ANKHD1: variants seen among roughly 807,000 people sequenced by gnomAD.
The protein encoded by ANKHD1 is ankyrin repeat and KH domain containing 1, also known as ankyrin repeat and KH domain-containing protein 1.
ANKHD1 carries 31 observed loss-of-function variants against 230.5 expected under a neutral mutation model. The observed-to-expected ratio is 0.13, with a 90% CI of 0.10 to 0.18. ANKHD1 has a LOEUF of 0.18. Among genes scored for constraint, ANKHD1 ranks in the 10% least tolerant of loss-of-function variants. The probability of loss-of-function intolerance (pLI) is 1.00; values close to 1 mark genes in which losing one functional copy is unlikely to be tolerated. For synonymous variants in ANKHD1, 1,074 were observed against 1,117.6 expected (o/e 0.96, Z 0.78); for missense variants, 2,256 against 3,071.3 (o/e 0.73, Z 6.27).
At chr5:140,427,705 T>C (rs1430683254) in intron 1 of ANKHD1, among the ~76,000 whole-genome samples, 2 of 136,674 alleles carry the variant, frequency 1.5e-5, no homozygotes, top group East Asian at 5.1e-4. Flanking sequence ...GGCTCCTCAC[T>C]TCCCAGTAGG....
chr5:140,441,867 C>G (rs760187084), intron 5 of ANKHD1, among the ~76,000 whole-genome samples: 1 of 151,932 alleles, frequency 6.6e-6, no homozygotes, highest in South Asian at 2.1e-4. Context: ...AACAACATGT[C>G]ATATACCTTA....
chr5:140,438,704 G>T, intron 3 of ANKHD1, 87 bp downstream of exon 3: 1 of 1,454,378 alleles, frequency 6.9e-7, no homozygotes, highest in South Asian at 1.6e-5. Flanking sequence ...ATATCTTTTG[G>T]TGGAGCTTAT....
At chr5:140,526,555 AC>A in intron 26 of ANKHD1, 112 bp downstream of exon 26, 1 of 1,331,528 alleles carries the variant, frequency 7.5e-7, no homozygotes, top group African/African-American at 1.5e-5. Context: ...ATTGAAGTCT[AC>A]CACATTATCT....
chr5:140,535,837 G>A (rs1754040456), intron 30 of ANKHD1: 2 of 170,404 alleles, frequency 1.2e-5, no homozygotes, highest in East Asian at 1.6e-4. Flanking sequence ...CAAGAGGATC[G>A]CTTGAGCCCA....
chr5:140,466,403 A>G (rs974262171), intron 10 of ANKHD1, among the ~76,000 whole-genome samples: 2 of 152,010 alleles, frequency 1.3e-5, no homozygotes, highest in African/African-American at 2.4e-5. Context: ...AAAAAAAAAA[A>G]AAAGAAAAAA....
intron 1 of ANKHD1, among the ~76,000 whole-genome samples, chr5:140,428,650 G>GGGGAGAGGGAGA (rs1052998483): frequency 6.6e-6 from 1 of 152,142 alleles, no homozygotes; most frequent in Non-Finnish European, 1.5e-5. Context: ...GGGAGACCGT[G>GGGGAGAGGGAGA]GGGAGAGGGA....
intron 9 of ANKHD1, among the ~76,000 whole-genome samples, chr5:140,459,604 T>C (rs1174291084): frequency 6.6e-6 from 1 of 152,132 alleles, no homozygotes; most frequent in Non-Finnish European, 1.5e-5. Context: ...TTAACAATAA[T>C]GTATATCTCA....
chr5:140,482,731 T>G, intron 11 of ANKHD1, 64 bp downstream of exon 11: 1 of 1,563,246 alleles, frequency 6.4e-7, no homozygotes, highest in African/African-American at 1.4e-5. Flanking sequence ...AATCCTAAAC[T>G]GTTGCAATTT....
chr5:140,484,875 G>T (rs767928699), intron 11 of ANKHD1: 2 of 374,702 alleles, frequency 5.3e-6, no homozygotes, highest in Non-Finnish European at 8.5e-6. Flanking sequence ...TTGGGAGGCT[G>T]GGTAGTGACT....
Position 140,434,480 on chromosome 5 carries a change from G to A in ANKHD1, c.307-1624G>A, listed in dbSNP as rs927371854. ...TGCCATACATGTTATATGTATATAC[G>A]TATATATGTATATGATATACATTAC... On this transcript the variant is annotated intron_variant, in intron 1 of 33. Coordinates refer to ENST00000360839, the MANE Select transcript of ANKHD1 (RefSeq NM_017747.3). Among the ~76,000 whole-genome samples, 145 of 148,786 alleles carry A rather than the reference G, an allele frequency of 9.7e-4. 4 individuals carry two copies. The highest frequency in any genetic ancestry group is 3.3e-3 in the Middle Eastern group (1 of 306).
chr5:140,486,942 T>C lies in ANKHD1; in HGVS notation c.2143-16T>C. On this transcript the variant is annotated splice_polypyrimidine_tract_variant and intron_variant, in intron 13 of 33. Transcript: ENST00000360839. ...TCTTTGGTCTGAGATGATTTTTTTC[T>C]GAGTTGACTTTTTAGGTGCCACGTG... 2 of 1,605,494 alleles carry C rather than the reference T, an allele frequency of 1.2e-6. No homozygotes were observed. Among genetic ancestry groups the C allele is most frequent in the Middle Eastern group, 1.7e-4 (1 of 6,006 alleles).
chr5:140,505,740 C>G lies in ANKHD1; in HGVS notation c.3279C>G (p.Ile1093Met), dbSNP rs763699760. 1 of 1,604,328 alleles carries G rather than the reference C, an allele frequency of 6.2e-7. No individual in the cohort carries two copies. The highest frequency in any genetic ancestry group is 1.1e-5 in the South Asian group (1 of 88,388). ...HRDKKGFTPL[I>M]LAATAGHVGV... ...CTGATTTAGGTTTCACACCACTAATCCTGGCAGCAACAGCAGGGCATGTTG... is the reference window on the plus strand; with the variant it reads ...CTGATTTAGGTTTCACACCACTAATGCTGGCAGCAACAGCAGGGCATGTTG... Residue 1093 changes from isoleucine (I) to methionine (M), a missense_variant, in exon 18 of 34, where the codon ATC becomes ATG. Physicochemically the swap from Ile to Met is conservative, Grantham distance 10. Coordinates refer to ENST00000360839, the MANE Select transcript of ANKHD1 (RefSeq NM_017747.3).
intron 10 of ANKHD1, among the ~76,000 whole-genome samples, chr5:140,476,177 T>C (rs1361694200): frequency 6.6e-6 from 1 of 151,272 alleles, no homozygotes; most frequent in Non-Finnish European, 1.5e-5. Context: ...AATAATACAA[T>C]AAAATATATA....
At chr5:140,533,793 A>C (rs1003817032) in intron 29 of ANKHD1, among the ~76,000 whole-genome samples, 4 of 151,184 alleles carry the variant, frequency 2.6e-5, no homozygotes, top group East Asian at 1.9e-4. Flanking sequence ...AAAAAAAAAA[A>C]AAAAAACAAG....
intron 10 of ANKHD1, among the ~76,000 whole-genome samples, chr5:140,472,791 C>G (rs934085471): frequency 2.0e-5 from 3 of 152,032 alleles, no homozygotes; most frequent in Non-Finnish European, 4.4e-5. Context: ...AAATTTTCTT[C>G]TTAAAATTGT....
At chr5:140,472,360 CTCTGGATA>C in intron 10 of ANKHD1, 1 of 1,584,718 alleles carries the variant, frequency 6.3e-7, no homozygotes. Context: ...GTAACCAGAA[CTCTGGATA>C]TCTGAATTCC....
At chr5:140,407,257 T>C (rs1006433636) in intron 1 of ANKHD1, among the ~76,000 whole-genome samples, 8 of 136,216 alleles carry the variant, frequency 5.9e-5, no homozygotes, top group Admixed American at 5.4e-4. Flanking sequence ...ATCGCGTCAC[T>C]GCACTCCAGC....
intron 10 of ANKHD1, among the ~76,000 whole-genome samples, chr5:140,479,572 T>C (rs564062904): frequency 6.6e-6 from 1 of 151,874 alleles, no homozygotes; most frequent in Non-Finnish European, 1.5e-5. Flanking sequence ...CACACATATA[T>C]GTATATACAT....
Position 140,401,958 on chromosome 5 carries a change from G to T in ANKHD1, c.-10G>T. The stretch of plus-strand genomic sequence containing the variant: ...TGGGTCGGCACCGTCTCCGGCTCCG[G>T]GTGCGAACAATGCTGACTGATAGCG... On this transcript the variant is annotated 5_prime_UTR_variant, in exon 1 of 34. Coordinates refer to ENST00000360839, the MANE Select transcript of ANKHD1 (RefSeq NM_017747.3). 6.4e-7 allele frequency: 1 copy of T among 1,566,400 alleles called. No homozygotes were observed. Among genetic ancestry groups the T allele is most frequent in the South Asian group, 1.2e-5 (1 of 86,208 alleles).
Sources: allele counts gnomAD v4.1 joint callset (sites outside exome capture counted in the v4.1 genomes callset), GRCh38; gene constraint gnomAD v4.1.1; transcripts MANE v1.5; gene names NCBI Gene and HGNC (gene_info 2026-07-23, HGNC 2026-07-21).